TPR: variants seen among roughly 807,000 people sequenced by gnomAD.
The protein encoded by TPR is translocated promoter region, nuclear basket protein.
Under a neutral mutation model 316.1 loss-of-function variants are expected in TPR, and 51 were observed. That is an observed-to-expected ratio of 0.16 (90% CI 0.13 to 0.20). TPR has a LOEUF of 0.20. Ranked by LOEUF, TPR falls within the 10% of genes least tolerant of loss-of-function variation. The pLI is 1.00. For synonymous variants in TPR, 981 were observed against 914.7 expected (o/e 1.07, Z -1.31); for missense variants, 2,272 against 2,754.8 (o/e 0.82, Z 3.92).
Position 186,346,301 on chromosome 1 carries a change from C to A in TPR, c.2944-14G>T, listed in dbSNP as rs140137211. 10,446 of 1,603,952 alleles carry A rather than the reference C, an allele frequency of 6.5e-3. 54 individuals are homozygous for A. The highest frequency in any genetic ancestry group is 9.4e-3 in the South Asian group (837 of 89,270). ...TTCTTCTGTCACCTTTACCATATTA[C>A]AAACAGTAGGATATAAAAATTACAC... On this transcript the variant is annotated splice_polypyrimidine_tract_variant and intron_variant, in intron 22 of 50. Transcript: ENST00000367478.
chr1:186,367,793 A>G, intron 4 of TPR, 93 bp downstream of exon 4: 1 of 808,032 alleles, frequency 1.2e-6, no homozygotes, highest in South Asian at 1.9e-5. Flanking sequence ...ACAAAAAAAT[A>G]TCAGCAACAG....
Position 186,350,231 on chromosome 1 carries a change from G to A in TPR, c.2768C>T (p.Thr923Ile). ...VQVASQSSQR[T>I]GKGQPSNKED... ...CTACTTATTTTATTTACCTTTACCA[G>A]TTCTCTGTGAAGACTGAGAAGCAAC... The change falls in exon 21 of 51, where the codon ACT (threonine) becomes ATT (isoleucine). Residue 923 changes from threonine to isoleucine, a missense_variant. Around this residue, in one of 10 missense-constraint regions of TPR, gnomAD observed 757 missense variants for 859.8 expected, o/e 0.88. Coordinates refer to ENST00000367478, the MANE Select transcript of TPR (RefSeq NM_003292.3). 1 of 1,606,076 alleles carries A rather than the reference G, an allele frequency of 6.2e-7. No individual in the cohort carries two copies.
Position 186,343,899 on chromosome 1 carries a change from G to T in TPR, c.3602+7C>A, listed in dbSNP as rs1658595988. 2 of 1,609,868 alleles carry T rather than the reference G, an allele frequency of 1.2e-6. No homozygotes were observed. The highest frequency in any genetic ancestry group is 2.2e-5 in the South Asian group (2 of 90,690). The stretch of plus-strand genomic sequence containing the variant: ...CACAGAAATGAAGCAGTAAGAACAT[G>T]ATTTACCTGAGAATTTCCAAAATTT... On this transcript the variant is annotated splice_region_variant and intron_variant, in intron 26 of 50. Coordinates refer to ENST00000367478, the MANE Select transcript of TPR (RefSeq NM_003292.3).
At chr1:186,363,224 A>G in intron 5 of TPR, 118 bp downstream of exon 5, 4 of 1,051,578 alleles carry the variant, frequency 3.8e-6, no homozygotes, top group South Asian at 3.0e-5. Flanking sequence ...ATTTTCTGAC[A>G]TTAAAAACAA....
At chr1:186,327,788 AT>A (rs11384941) in intron 39 of TPR, 128 bp from the exon 40 acceptor site, 9,954 of 678,966 alleles carry the variant, frequency 0.015, no homozygotes, top group East Asian at 0.029. Flanking sequence ...ATTTAATTTA[AT>A]TTTTTTTTTT....
chr1:186,331,018 G>A (rs1043247040), intron 39 of TPR, among the ~76,000 whole-genome samples: 1 of 151,914 alleles, frequency 6.6e-6, no homozygotes, highest in East Asian at 1.9e-4. Context: ...GTAACTTCAG[G>A]GTCTATATTC....
intron 31 of TPR, 56 bp from the exon 32 acceptor site, chr1:186,337,212 T>C (rs1658365777): frequency 6.5e-7 from 1 of 1,528,900 alleles, no homozygotes; most frequent in Non-Finnish European, 8.8e-7. Context: ...TAATTCCATT[T>C]CTGCAAGTTT....
intron 17 of TPR, among the ~76,000 whole-genome samples, chr1:186,355,096 G>C (rs565052606): frequency 6.6e-6 from 1 of 151,930 alleles, no homozygotes; most frequent in Admixed American, 6.6e-5. Flanking sequence ...GTAGAGATGG[G>C]GTTTCACCAT....
At position 186,341,243 on chromosome 1, in the gene TPR, G is replaced by C; in HGVS notation, c.3888+9C>G. 1 of 1,613,312 alleles carries C rather than the reference G, an allele frequency of 6.2e-7. No individual in the cohort carries two copies. Among genetic ancestry groups the C allele is most frequent in the Non-Finnish European group, 8.5e-7 (1 of 1,179,860 alleles). On this transcript the variant is annotated intron_variant, in intron 28 of 50. Coordinates refer to ENST00000367478, the MANE Select transcript of TPR (RefSeq NM_003292.3). The stretch of plus-strand genomic sequence containing the variant: ...ACATGCTTCCACTCTTGATAACTAA[G>C]CAACAAACCTTTGCTTGCATTTGCT...
chr1:186,338,337 A>G (rs559237419), intron 30 of TPR, 94 bp from the exon 31 acceptor site: 1 of 1,080,236 alleles, frequency 9.3e-7, no homozygotes, highest in African/African-American at 1.6e-5. Context: ...CTGCTTTAAT[A>G]ACTTTTTTTT....
chr1:186,316,433 T>C (rs960167295), intron 49 of TPR, among the ~76,000 whole-genome samples: 1 of 152,330 alleles, frequency 6.6e-6, no homozygotes, highest in South Asian at 2.1e-4. Context: ...GATTTTGGGA[T>C]AGCAAAGTTC....
chr1:186,313,157 T>A lies in TPR; in HGVS notation c.*814A>T. 1 of 483,174 alleles carries A rather than the reference T, an allele frequency of 2.1e-6. No homozygotes were observed. Among genetic ancestry groups the A allele is most frequent in the Non-Finnish European group, 3.8e-6 (1 of 264,664 alleles). The allele number at this position is 483,174 out of a possible 1,614,324, so 29.9% of individuals were successfully genotyped here. ...GTAAACTTGCTACTGACAATAGTAT[T>A]TTACTTCTATCATTTGTGGCATTTA... On this transcript the variant is annotated 3_prime_UTR_variant, in exon 51 of 51. Transcript: ENST00000367478.
Position 186,351,483 on chromosome 1 carries a change from A to G in TPR, c.2470-13T>C. ...GCTCCAGTATTCCCTAAAGCAAAGA[A>G]AAGATTTTTGGTTATGCTTAAGAAA... On this transcript the variant is annotated splice_polypyrimidine_tract_variant and intron_variant, in intron 19 of 50. Transcript: ENST00000367478. 1 of 1,552,762 alleles carries G rather than the reference A, an allele frequency of 6.4e-7. No individual in the cohort carries two copies. Among genetic ancestry groups the G allele is most frequent in the Non-Finnish European group, 8.6e-7 (1 of 1,157,170 alleles).
chr1:186,360,358 A>G lies in TPR; in HGVS notation c.1106T>C (p.Ile369Thr). The G allele has an allele frequency of 1.2e-6, 2 of 1,613,162 alleles. No homozygotes were observed. Among genetic ancestry groups the G allele is most frequent in the Non-Finnish European group, 1.7e-6 (2 of 1,179,394 alleles). ...GGCGGCAAGCTCTTCTTCAGACAAT[A>G]TGGCTCCTGTGCCAACAAATACACA... The part of the protein sequence containing the change: ...LLSATKRKGA[I>T]LSEEELAAMS... The change falls in exon 11 of 51, where the codon ATA becomes ACA. Residue 369 changes from isoleucine to threonine, a missense_variant. Ile to Thr is a moderately conservative substitution (Grantham distance 89). Around this residue, in one of 10 missense-constraint regions of TPR, gnomAD observed 549 missense variants for 598.6 expected, o/e 0.92. Transcript: ENST00000367478.
chr1:186,357,697 C>G (rs139897237), intron 13 of TPR, 74 bp from the exon 14 acceptor site: 1 of 1,280,362 alleles, frequency 7.8e-7, no homozygotes, highest in African/African-American at 1.5e-5. Flanking sequence ...TGAAAGTTTT[C>G]AAATTAAAAC....
intron 36 of TPR, among the ~76,000 whole-genome samples, chr1:186,333,868 CA>C (rs1658255034): frequency 6.6e-6 from 1 of 152,004 alleles, no homozygotes; most frequent in Non-Finnish European, 1.5e-5. Flanking sequence ...AGGAAATATG[CA>C]GGTAGCAAAG....
chr1:186,372,843 T>G (rs1446270246), intron 2 of TPR, among the ~76,000 whole-genome samples: 1 of 152,140 alleles, frequency 6.6e-6, no homozygotes, highest in Non-Finnish European at 1.5e-5. Context: ...TTATAGGAAT[T>G]AGGCCTTAAA....
rs775868638 is a variant in TPR at position 186,375,043 on chromosome 1, G to C, written c.-15C>G. The C allele has an allele frequency of 6.8e-6, 11 of 1,613,762 alleles. No homozygotes were observed. The South Asian group carries it at 9.9e-5, about 14-fold the overall frequency. On this transcript the variant is annotated 5_prime_UTR_variant, in exon 1 of 51. Transcript: ENST00000367478. ...ACCGCCGCCATGTCGGTGGGGCCAGGGACCCCAGTGGCAGCGGCCGACGGG... is the reference window on the plus strand; with the variant it reads ...ACCGCCGCCATGTCGGTGGGGCCAGCGACCCCAGTGGCAGCGGCCGACGGG...
chr1:186,355,972 AT>A (rs1176325387), intron 15 of TPR, among the ~76,000 whole-genome samples: 10 of 152,212 alleles, frequency 6.6e-5, no homozygotes, highest in African/African-American at 2.4e-4. Flanking sequence ...ATAATTCAGT[AT>A]TTATGGGTTA....
Sources: allele counts gnomAD v4.1 joint callset (sites outside exome capture counted in the v4.1 genomes callset), GRCh38; gene constraint gnomAD v4.1.1; regional missense constraint gnomAD v4.1.1; transcripts MANE v1.5; gene names NCBI Gene and HGNC (gene_info 2026-07-23, HGNC 2026-07-21).